ROR2: variants seen among roughly 807,000 people sequenced by gnomAD.
ROR2 encodes tyrosine-protein kinase transmembrane receptor ROR2.
ROR2 carries 33 observed loss-of-function variants against 74.9 expected under a neutral mutation model. That is an observed-to-expected ratio of 0.44 (90% CI 0.33 to 0.59). ROR2 has a LOEUF of 0.59. ROR2 is among the 20% of genes least tolerant of loss of function. The pLI is 0.02. For synonymous variants in ROR2, 586 were observed against 558.7 expected (o/e 1.05, Z -0.69); for missense variants, 1,216 against 1,313.8 (o/e 0.93, Z 1.15).
At chr9:91,767,046 T>C (rs1826078921) in intron 2 of ROR2, among the ~76,000 whole-genome samples, 1 of 151,604 alleles carries the variant, frequency 6.6e-6, no homozygotes, top group East Asian at 1.9e-4. Flanking sequence ...CTCACTGCTC[T>C]GTCTCACAGT....
intron 4 of ROR2, among the ~76,000 whole-genome samples, chr9:91,740,707 C>A (rs187642652): frequency 6.6e-6 from 1 of 152,058 alleles, no homozygotes; most frequent in East Asian, 1.9e-4. Context: ...TATATTTTAT[C>A]TTTATCTGGC....
At chr9:91,875,137 G>A (rs1467081299) in intron 1 of ROR2, among the ~76,000 whole-genome samples, 4 of 152,160 alleles carry the variant, frequency 2.6e-5, no homozygotes, top group South Asian at 2.1e-4. Context: ...ACCAATTAAC[G>A]GTCCCAGGAT....
intron 1 of ROR2, among the ~76,000 whole-genome samples, chr9:91,807,978 G>A (rs914049214): frequency 3.9e-5 from 6 of 152,080 alleles, no homozygotes; most frequent in African/African-American, 9.7e-5. Flanking sequence ...TAGCTCGGTC[G>A]CAAGCCTGTC....
chr9:91,847,503 A>G (rs1189152284), intron 1 of ROR2, among the ~76,000 whole-genome samples: 1 of 152,052 alleles, frequency 6.6e-6, no homozygotes, highest in Non-Finnish European at 1.5e-5. Context: ...CAGTCCCCCC[A>G]CTTCCCACAT....
chr9:91,757,664 T>G, intron 2 of ROR2, 105 bp from the exon 3 acceptor site: 1 of 1,262,506 alleles, frequency 7.9e-7, no homozygotes, highest in Non-Finnish European at 1.1e-6. Context: ...GTTTCGATTT[T>G]TGTCACCTAC....
intron 1 of ROR2, among the ~76,000 whole-genome samples, chr9:91,935,093 A>G (rs1285619438): frequency 2.0e-5 from 3 of 152,158 alleles, no homozygotes; most frequent in Non-Finnish European, 2.9e-5. Flanking sequence ...CCATCTGTGA[A>G]AAGTCACCTT....
intron 1 of ROR2, among the ~76,000 whole-genome samples, chr9:91,868,215 TATA>T (rs769576415): frequency 1.3e-5 from 2 of 151,592 alleles, no homozygotes; most frequent in African/African-American, 2.4e-5. Context: ...AAGGAAAACA[TATA>T]ATAACTAGAA....
At chr9:91,895,818 T>G (rs868449898) in intron 1 of ROR2, among the ~76,000 whole-genome samples, 30 of 152,302 alleles carry the variant, frequency 2.0e-4, no homozygotes, top group African/African-American at 6.5e-4. Context: ...CACTCCAGCC[T>G]GGGCGGCTGA....
chr9:91,909,858 T>TTTG (rs1830925342), intron 1 of ROR2, among the ~76,000 whole-genome samples: 1 of 127,498 alleles, frequency 7.8e-6, no homozygotes, highest in Non-Finnish European at 1.6e-5. Context: ...TTTTTTTTTT[T>TTTG]TTTTTTTTTT....
chr9:91,826,483 C>T (rs1828294137), intron 1 of ROR2, among the ~76,000 whole-genome samples: 1 of 152,152 alleles, frequency 6.6e-6, no homozygotes, highest in Non-Finnish European at 1.5e-5. Flanking sequence ...TGGTTAGTTA[C>T]TGGGTTAAAT....
chr9:91,852,074 A>C (rs1829115590), intron 1 of ROR2, among the ~76,000 whole-genome samples: 1 of 151,538 alleles, frequency 6.6e-6, no homozygotes, highest in Non-Finnish European at 1.5e-5. Context: ...CTTTCTCACT[A>C]AGGTTATTCC....
intron 2 of ROR2, among the ~76,000 whole-genome samples, chr9:91,763,538 T>C (rs550722220): frequency 9.2e-5 from 14 of 152,362 alleles, no homozygotes; most frequent in African/African-American, 3.1e-4. Context: ...ACAGTTTTAG[T>C]TCGCATCTTA....
intron 4 of ROR2, among the ~76,000 whole-genome samples, chr9:91,746,753 A>G (rs150444084): frequency 4.1e-4 from 63 of 152,344 alleles, no homozygotes; most frequent in African/African-American, 1.4e-3. Flanking sequence ...TCTTGTTCCC[A>G]TAAGAAAATA....
At chr9:91,756,050 T>G (rs759776655) in intron 4 of ROR2, 21 bp downstream of exon 4, 10 of 1,613,166 alleles carry the variant, frequency 6.2e-6, no homozygotes, top group Non-Finnish European at 8.5e-6. Flanking sequence ...AGAACACGGC[T>G]TGGGGAAAAC....
chr9:91,782,243 C>A (rs1826642971), intron 1 of ROR2, among the ~76,000 whole-genome samples: 1 of 152,212 alleles, frequency 6.6e-6, no homozygotes, highest in African/African-American at 2.4e-5. Context: ...AAGGAGCAAA[C>A]AGAAATGCTA....
chr9:91,916,203 C>T (rs570959420), intron 1 of ROR2, among the ~76,000 whole-genome samples: 126 of 152,324 alleles, frequency 8.3e-4, no homozygotes, highest in African/African-American at 2.6e-3. Flanking sequence ...TTGTTTCCCC[C>T]GCAACTAATC....
chr9:91,735,743 A>G (rs1168970374), intron 5 of ROR2, among the ~76,000 whole-genome samples: 2 of 149,838 alleles, frequency 1.3e-5, no homozygotes, highest in Admixed American at 6.8e-5. Flanking sequence ...CAGCCTCCCA[A>G]GTAGCTGGGA....
At chr9:91,943,332 C>A (rs1831927249) in intron 1 of ROR2, among the ~76,000 whole-genome samples, 1 of 152,074 alleles carries the variant, frequency 6.6e-6, no homozygotes, top group South Asian at 2.1e-4. Flanking sequence ...TAAGAAATAA[C>A]TGTTATGTGT....
At chr9:91,949,821 A>C (rs1832122762) in intron 1 of ROR2, 46 bp downstream of exon 1, 2 of 1,221,274 alleles carry the variant, frequency 1.6e-6, no homozygotes, top group Non-Finnish European at 2.3e-6. Flanking sequence ...TGGCCAAGCG[A>C]GCCGTGAGCT....
Sources: allele counts gnomAD v4.1 joint callset (sites outside exome capture counted in the v4.1 genomes callset), GRCh38; gene constraint gnomAD v4.1.1; transcripts MANE v1.5; gene names NCBI Gene and HGNC (gene_info 2026-07-23, HGNC 2026-07-21).